Variants in IL17RE observed in about 807,000 individuals in gnomAD.
IL17RE encodes the protein interleukin 17 receptor E, also known as interleukin-17 receptor E.
IL17RE carries 47 observed loss-of-function variants against 70.7 expected under a neutral mutation model. The ratio of observed to expected loss-of-function variants is 0.67; its 90% confidence interval spans 0.53 to 0.85. IL17RE has a LOEUF of 0.85. Among genes scored for constraint, IL17RE ranks in the 40% least tolerant of loss-of-function variants. IL17RE has a pLI of 0.00. For missense variants in IL17RE, 850 were observed against 893.9 expected (o/e 0.95, Z 0.63); for synonymous variants, 372 against 381.2 (o/e 0.98, Z 0.28).
upstream of IL17RE, chr3:9,902,559 T>C: frequency 1.4e-6 from 2 of 1,418,924 alleles, no homozygotes; most frequent in Non-Finnish European, 1.9e-6. Context: ...AGTTCCAGAG[T>C]GTGCTGATGG....
At chr3:9,902,643 G>T (rs1353084113), upstream of IL17RE, 3 of 1,536,162 alleles carry the variant, frequency 2.0e-6, no homozygotes, top group South Asian at 1.2e-5. Flanking sequence ...CCTGATGCTA[G>T]CCCCTTTCCT....
At chr3:9,914,307 G>T in intron 13 of IL17RE, 2 of 1,041,826 alleles carry the variant, frequency 1.9e-6, no homozygotes, top group Non-Finnish European at 2.7e-6. Context: ...GTGCTCTCCA[G>T]GTCCTCACAG....
chr3:9,916,156 C>T lies in IL17RE; in HGVS notation c.*349C>T, dbSNP rs970586317. Reference sequence around the variant, plus strand: ...TAGGGAGGCAGGAGCCATGTCAGTTCTGAAGGAGGGTGAGGCGGTGGGGGA... The same window carrying T: ...TAGGGAGGCAGGAGCCATGTCAGTTTTGAAGGAGGGTGAGGCGGTGGGGGA... On this transcript the variant is annotated 3_prime_UTR_variant, in exon 16 of 16. Coordinates refer to ENST00000383814, the MANE Select transcript of IL17RE (RefSeq NM_153480.2). The T allele has an allele frequency of 1.4e-5, 3 of 217,564 alleles. No individual in the cohort carries two copies. The highest frequency in any genetic ancestry group is 6.8e-5 in the African/African-American group (3 of 43,808). The allele number at this position is 217,564 out of a possible 1,614,324, so 13.5% of individuals were successfully genotyped here. A position where few individuals can be genotyped will look rare whatever the true frequency, so the allele number is the denominator to read the frequency against.
intron 2 of IL17RE, 64 bp downstream of exon 2, chr3:9,903,476 A>G: frequency 1.3e-6 from 2 of 1,562,990 alleles, no homozygotes; most frequent in African/African-American, 1.4e-5. Context: ...ATGCCTAGCA[A>G]GCCCTCCATT....
intron 3 of IL17RE, among the ~76,000 whole-genome samples, chr3:9,905,551 T>C (rs922675176): frequency 6.6e-6 from 1 of 152,064 alleles, no homozygotes; most frequent in Admixed American, 6.6e-5. Context: ...ACTGGCGTGG[T>C]GGCTCACGCC....
At position 9,906,949 on chromosome 3, in the gene IL17RE, T is replaced by C. The variant is rs781276341; in HGVS notation, c.527-12T>C. On this transcript the variant is annotated splice_polypyrimidine_tract_variant and intron_variant, in intron 5 of 15. Coordinates refer to ENST00000383814, the MANE Select transcript of IL17RE (RefSeq NM_153480.2). ...CCAAGAGACAAGGCCACTGAGTCCT[T>C]CCTCTCCCCAGGACCCGAGTTCTCC... 6.2e-7 allele frequency: 1 copy of C among 1,614,116 alleles called. No individual in the cohort carries two copies. The highest frequency in any genetic ancestry group is 2.2e-5 in the East Asian group (1 of 44,876).
upstream of IL17RE, chr3:9,902,585 AGT>A (rs1302100852): frequency 1.8e-5 from 27 of 1,523,272 alleles, no homozygotes; most frequent in East Asian, 7.3e-5. Context: ...TCAGATCTGC[AGT>A]GTGTTTCAGG....
Position 9,904,125 on chromosome 3 carries a change from G to T in IL17RE, c.242G>T (p.Cys81Phe). The T allele has an allele frequency of 6.2e-7, 1 of 1,614,170 alleles. No homozygotes were observed. Among genetic ancestry groups the T allele is most frequent in the Non-Finnish European group, 8.5e-7 (1 of 1,180,030 alleles). ...GTCTGGCACTGTTCCCGCTGTTTGT[G>T]CCAGCATCTGCTGTCAGGTGGCTCA... is the stretch of plus-strand genomic sequence containing the variant. ...VRVWHCSRCLCQHLLSGGSGL... is the reference protein window; with the variant it reads ...VRVWHCSRCLFQHLLSGGSGL... The change falls in exon 3 of 16, where the codon TGC becomes TTC. Residue 81 changes from cysteine (C) to phenylalanine (F), a missense_variant. Physicochemically the swap from Cys to Phe is radical, Grantham distance 205. Transcript: ENST00000383814.
Position 9,910,984 on chromosome 3 carries a change from G to T in IL17RE, c.922G>T (p.Asp308Tyr). ...GGAAGCTGCCCTCTGCCAGAGGCAC[G>T]ACTGGCATACCCTTTGCAAAGACCT... is the stretch of plus-strand genomic sequence containing the variant. The part of the protein sequence containing the change: ...KLEAALCQRH[D>Y]WHTLCKDLPN... The change falls in exon 9 of 16, where the codon GAC becomes TAC. Residue 308 changes from aspartate (D) to tyrosine (Y), a missense_variant. Transcript: ENST00000383814. 1 of 1,614,160 alleles carries T rather than the reference G, an allele frequency of 6.2e-7. No individual in the cohort carries two copies. The highest frequency in any genetic ancestry group is 1.1e-5 in the South Asian group (1 of 91,080).
At chr3:9,909,740 T>G (rs757853997) in intron 8 of IL17RE, 1 of 158,116 alleles carries the variant, frequency 6.3e-6, no homozygotes, top group Non-Finnish European at 1.4e-5. Context: ...ATGTTGTTGT[T>G]CTCAAGGAGA....
chr3:9,909,217 GC>G lies in IL17RE; in HGVS notation c.737del (p.Ala246AspfsTer9). The G allele has an allele frequency of 6.2e-7, 1 of 1,613,558 alleles. No homozygotes were observed. Among genetic ancestry groups the G allele is most frequent in the Non-Finnish European group, 8.5e-7 (1 of 1,179,786 alleles). ...TCCCCACCTGCTCCCGTCTCTCCAG[GC>G]ATCCTACCTGCAAGAGGACACTGTG... ...EFLLPCLCIE[A>X]SYLQEDTVRR... On this transcript the variant is annotated frameshift_variant and splice_region_variant, in exon 8 of 16. Transcript: ENST00000383814. LOFTEE classifies it high-confidence loss of function.
intron 3 of IL17RE, among the ~76,000 whole-genome samples, 168 bp downstream of exon 3, chr3:9,904,319 A>G (rs1431263844): frequency 1.5e-5 from 2 of 136,160 alleles, no homozygotes; most frequent in African/African-American, 5.7e-5. Flanking sequence ...CACAAATACA[A>G]TTGTACAATT....
At position 9,915,302 on chromosome 3, in the gene IL17RE, C is replaced by T; in HGVS notation, c.1499C>T (p.Ala500Val). ...CTCCTGCACGCGGCGGACTCGGAGG[C>T]GCAGCGGCGCCTGGTGGGAGCGCTG... is the stretch of plus-strand genomic sequence containing the variant. ...VLLLHAADSE[A>V]QRRLVGALAE... The change falls in exon 16 of 16, where the codon GCG (alanine) becomes GTG (valine). Residue 500 changes from alanine to valine, a missense_variant. Physicochemically the swap from Ala to Val is moderately conservative, Grantham distance 64. Transcript: ENST00000383814. The surrounding 1 kb of genome is among the most constrained non-coding windows in gnomAD (Gnocchi z 4.9). 1 of 1,394,932 alleles carries T rather than the reference C, an allele frequency of 7.2e-7. No individual in the cohort carries two copies. The highest frequency in any genetic ancestry group is 9.2e-7 in the Non-Finnish European group (1 of 1,081,914). 86.4% of individuals were successfully genotyped at this position (1,394,932 alleles called of 1,614,324 possible).
upstream of IL17RE, chr3:9,902,483 G>A (rs279589): frequency 0.32 from 253,102 of 789,086 alleles, 42,695 homozygotes; most frequent in Middle Eastern, 0.44. Flanking sequence ...CCAGTGCTGA[G>A]TAGTGCTTAA....
intron 3 of IL17RE, among the ~76,000 whole-genome samples, chr3:9,906,105 C>T (rs569735090): frequency 6.6e-5 from 10 of 151,598 alleles, no homozygotes; most frequent in East Asian, 5.9e-4. Context: ...CAAAATTAGC[C>T]GGGCATGGTG....
Position 9,904,203 on chromosome 3 carries a change from G to A in IL17RE, c.268+52G>A, listed in dbSNP as rs183027703. ...TCTCAGTGAAGAGAACATTTTGAGGGACCACCTAGGCTGAGCAAGTGGGAC... is the reference window on the plus strand; with the variant it reads ...TCTCAGTGAAGAGAACATTTTGAGGAACCACCTAGGCTGAGCAAGTGGGAC... On this transcript the variant is annotated intron_variant, in intron 3 of 15. Transcript: ENST00000383814. 26 of 1,603,418 alleles carry A rather than the reference G, an allele frequency of 1.6e-5. No individual in the cohort carries two copies. In the African/African-American group the frequency reaches 3.1e-4, roughly 19 times the overall value.
At chr3:9,908,827 G>A (rs1056587744) in intron 7 of IL17RE, among the ~76,000 whole-genome samples, 18 of 152,146 alleles carry the variant, frequency 1.2e-4, no homozygotes, top group Non-Finnish European at 2.2e-4. Flanking sequence ...CTAGAGCCAC[G>A]AGCAATTGCC....
intron 12 of IL17RE, among the ~76,000 whole-genome samples, chr3:9,912,232 A>G (rs1476944560): frequency 1.3e-5 from 2 of 152,168 alleles, no homozygotes; most frequent in African/African-American, 4.8e-5. Context: ...TCCTGAAACC[A>G]TTCCCCCAAA....
rs770161153 is a variant in IL17RE, at chr3:9,906,855, A to C, written c.516A>C (p.Gln172His). 8 of 1,614,072 alleles carry C rather than the reference A, an allele frequency of 5.0e-6. No individual in the cohort carries two copies. The highest frequency in any genetic ancestry group is 6.8e-6 in the Non-Finnish European group (8 of 1,180,044). ...AAAGTCTTCCCAGATTGGACTCACAAAGGCATGGAGGTGGGCACTGGGTAC... is the reference window on the plus strand; with the variant it reads ...AAAGTCTTCCCAGATTGGACTCACACAGGCATGGAGGTGGGCACTGGGTAC... ...TWESLPRLDSQRHGGPEFSFD... is the reference protein window; with the variant it reads ...TWESLPRLDSHRHGGPEFSFD... Residue 172 changes from glutamine to histidine, a missense_variant, in exon 5 of 16, where the codon CAA becomes CAC. By Grantham distance (24) the Gln-to-His change is conservative (BLOSUM62 0). Coordinates refer to ENST00000383814, the MANE Select transcript of IL17RE (RefSeq NM_153480.2).
Sources: gnomAD v4.1 joint callset for allele counts (sites outside exome capture counted in the v4.1 genomes callset) on GRCh38, gnomAD v4.1.1 for gene constraint, Gnocchi (gnomAD v3.1) non-coding constraint, MANE v1.5 for transcripts, NCBI Gene and HGNC (gene_info 2026-07-23, HGNC 2026-07-21) for gene names.